The following PPP2R5C variants were observed in gnomAD, a reference collection of about 807,000 sequenced individuals.
PPP2R5C encodes protein phosphatase 2 regulatory subunit B'gamma.
A neutral mutation model predicts 68.9 loss-of-function variants in PPP2R5C; 7 were observed. The ratio of observed to expected loss-of-function variants is 0.10; its 90% CI spans 0.06 to 0.19. The LOEUF is 0.19. PPP2R5C is among the 10% of genes least tolerant of loss of function. PPP2R5C has a pLI of 1.00. For missense variants in PPP2R5C, 348 were observed against 641.3 expected, an observed-to-expected ratio of 0.54 and a Z score of 4.94; for synonymous variants, 210 against 222.2, an observed-to-expected ratio of 0.95 and a Z score of 0.49.
intron 3 of PPP2R5C, among the ~76,000 whole-genome samples, chr14:101,796,117 G>A (rs562787629): frequency 7.9e-5 from 12 of 152,212 alleles, no homozygotes; most frequent in African/African-American, 2.4e-4. Context: ...GAGCCACTGC[G>A]CCCTGCCTAT....
At chr14:101,795,615 A>G (rs2038569938) in intron 3 of PPP2R5C, among the ~76,000 whole-genome samples, 1 of 152,192 alleles carries the variant, frequency 6.6e-6, no homozygotes, top group Admixed American at 6.5e-5. Flanking sequence ...AAGTTATAGC[A>G]GAATAATGTA....
chr14:101,819,002 C>T, intron 1 of PPP2R5C: 1 of 1,549,820 alleles, frequency 6.5e-7, no homozygotes, highest in Non-Finnish European at 8.7e-7. Flanking sequence ...GGAACAAGTC[C>T]TGAAGAACCC....
At chr14:101,821,152 C>A (rs796420396) in intron 1 of PPP2R5C, 117 of 152,046 alleles carry the variant, frequency 7.7e-4, no homozygotes, top group African/African-American at 2.7e-3. Context: ...CTAAACTGGT[C>A]TCTGGGACCA....
In PPP2R5C at chr14:101,915,619, C is replaced by T. The variant is rs1019567476; in HGVS notation, c.1327-2212C>T. On this transcript the variant is annotated intron_variant, in intron 12 of 13. Coordinates refer to ENST00000334743, the Ensembl canonical transcript of PPP2R5C. The surrounding 1 kb of genome is among the most constrained non-coding windows in gnomAD (Gnocchi z 4.2). ...GGTGTGAAACAGTCCCCGCAAGTCT[C>T]AGGAGTCTTGCAGCCACTTAGGTTT... is the stretch of plus-strand genomic sequence containing the variant. Among the ~76,000 whole-genome samples, 8 of 152,204 alleles carry T rather than the reference C, an allele frequency of 5.3e-5. No homozygotes were observed. Among genetic ancestry groups the T allele is most frequent in the African/African-American group, 1.9e-4 (8 of 41,446 alleles).
chr14:101,904,476 G>A (rs1156334122), intron 9 of PPP2R5C, among the ~76,000 whole-genome samples: 1 of 152,176 alleles, frequency 6.6e-6, no homozygotes, highest in Non-Finnish European at 1.5e-5. Context: ...AAAGTACAAG[G>A]TATTGAACTC....
Position 101,879,970 on chromosome 14 carries a change from C to T in PPP2R5C, c.295-2191C>T, listed in dbSNP as rs1463787282. On this transcript the variant is annotated intron_variant, in intron 2 of 13. Transcript: ENST00000334743. This position sits in a 1 kb window ranked among gnomAD's most constrained non-coding sequence, Gnocchi z 4.2. ...TGAGCTTTTAGCATCTGCTTGTTCACGTCTGTGGGCTTTGGGGTCAGGGTG... is the reference window on the plus strand; with the variant it reads ...TGAGCTTTTAGCATCTGCTTGTTCATGTCTGTGGGCTTTGGGGTCAGGGTG... 2.6e-5 allele frequency among the ~76,000 whole-genome samples: 4 copies of T among 152,166 alleles called. No individual in the cohort carries two copies. In the South Asian group the frequency reaches 6.2e-4, roughly 24 times the overall value.
intron 1 of PPP2R5C, among the ~76,000 whole-genome samples, chr14:101,842,023 G>C (rs1047915571): frequency 6.6e-5 from 10 of 152,100 alleles, no homozygotes; most frequent in Non-Finnish European, 4.4e-5. Flanking sequence ...TATACCTGCA[G>C]GTTCCCCCCA....
chr14:101,824,206 G>A (rs931123144), intron 1 of PPP2R5C: 7 of 1,216,998 alleles, frequency 5.8e-6, no homozygotes, highest in Non-Finnish European at 7.4e-6. Flanking sequence ...GATTCTTAAT[G>A]AGTAATTCTT....
At chr14:101,861,483 C>A (rs770764269) in intron 2 of PPP2R5C, among the ~76,000 whole-genome samples, 1 of 152,268 alleles carries the variant, frequency 6.6e-6, no homozygotes, top group East Asian at 1.9e-4. Flanking sequence ...TACAACATTG[C>A]GCACCTTAGC....
At chr14:101,885,282 GA>G (rs1416820951) in intron 5 of PPP2R5C, among the ~76,000 whole-genome samples, 1 of 152,184 alleles carries the variant, frequency 6.6e-6, no homozygotes, top group Non-Finnish European at 1.5e-5. Flanking sequence ...TGGCAGATGA[GA>G]CCCCCCCTGC....
In PPP2R5C at chr14:101,915,244, G is replaced by A. The variant is rs2046604390; in HGVS notation, c.1327-2587G>A. Among the ~76,000 whole-genome samples the A allele has an allele frequency of 1.3e-5, 2 of 152,078 alleles. No individual in the cohort carries two copies. The highest frequency in any genetic ancestry group is 4.8e-5 in the African/African-American group (2 of 41,404). On this transcript the variant is annotated intron_variant, in intron 12 of 13. Transcript: ENST00000334743. This position sits in a 1 kb window ranked among gnomAD's most constrained non-coding sequence, Gnocchi z 4.2. ...CTACAGGTGCACGCCACCATGCCTG[G>A]CTAATTTTTGTATTTTTAGTAGAGA...
chr14:101,816,381 G>A (rs1258800245), intron 1 of PPP2R5C, among the ~76,000 whole-genome samples: 1 of 152,200 alleles, frequency 6.6e-6, no homozygotes, highest in African/African-American at 2.4e-5. Context: ...CCCACAGCAG[G>A]TAGAAGTCTG....
In PPP2R5C at chr14:101,786,199, C is replaced by T. The variant is rs990963383; in HGVS notation, c.259+16C>T. 2.6e-6 allele frequency: 4 copies of T among 1,522,822 alleles called. No individual in the cohort carries two copies. Among genetic ancestry groups the T allele is most frequent in the African/African-American group, 1.4e-5 (1 of 71,340 alleles). 94.3% of individuals were successfully genotyped at this position (1,522,822 alleles called of 1,614,324 possible). On this transcript the variant is annotated intron_variant, in intron 3 of 14. Coordinates refer to the PPP2R5C transcript ENST00000328724. The stretch of plus-strand genomic sequence containing the variant: ...TCCTTAAAAGGTAATTTTTATTTGT[C>T]TTTTAAAAGTTAAATTGTGGCTGTT...
chr14:101,800,796 A>G (rs1444831979), intron 3 of PPP2R5C, among the ~76,000 whole-genome samples: 3 of 152,220 alleles, frequency 2.0e-5, no homozygotes, highest in Non-Finnish European at 4.4e-5. Flanking sequence ...ATCGCTCACA[A>G]TAGCCAAGAA....
chr14:101,899,928 G>A lies in PPP2R5C; in HGVS notation c.853-1791G>A, dbSNP rs1420234821. On this transcript the variant is annotated intron_variant, in intron 8 of 13. Coordinates refer to ENST00000334743, the Ensembl canonical transcript of PPP2R5C. The surrounding 1 kb of genome is among the most constrained non-coding windows in gnomAD (Gnocchi z 4.2). ...TTTTGGGGTTTTTGTTTGTTTGTTA[G>A]ATTCTTGGAGTACAGTGGCGCAGTC... Among the ~76,000 whole-genome samples, 1 of 151,986 alleles carries A rather than the reference G, an allele frequency of 6.6e-6. No homozygotes were observed. The highest frequency in any genetic ancestry group is 1.5e-5 in the Non-Finnish European group (1 of 67,982).
upstream of PPP2R5C, among the ~76,000 whole-genome samples, chr14:101,807,075 C>T (rs149248664): frequency 6.6e-6 from 1 of 152,132 alleles, no homozygotes; most frequent in African/African-American, 2.4e-5. Context: ...TATTCACTTT[C>T]CCTTTCTTCT....
At chr14:101,910,208 A>C (rs1355205233) in intron 11 of PPP2R5C, among the ~76,000 whole-genome samples, 2 of 152,196 alleles carry the variant, frequency 1.3e-5, no homozygotes, top group Non-Finnish European at 2.9e-5. Context: ...GGGATGATCT[A>C]AGTGACAAAG....
At chr14:101,837,894 C>T (rs2041216019) in intron 1 of PPP2R5C, among the ~76,000 whole-genome samples, 1 of 152,244 alleles carries the variant, frequency 6.6e-6, no homozygotes, top group Non-Finnish European at 1.5e-5. Flanking sequence ...GGCTCAGTCA[C>T]TTGCCCCAGA....
intron 2 of PPP2R5C, among the ~76,000 whole-genome samples, chr14:101,777,126 G>T (rs1595131954): frequency 6.6e-6 from 1 of 151,834 alleles, no homozygotes; most frequent in Non-Finnish European, 1.5e-5. Flanking sequence ...TGATCCGCCC[G>T]CCTCGGCCTC....
Sources: allele counts gnomAD v4.1 joint callset (sites outside exome capture counted in the v4.1 genomes callset), GRCh38; gene constraint gnomAD v4.1.1; non-coding constraint Gnocchi (gnomAD v3.1); transcripts MANE v1.5; gene names NCBI Gene and HGNC (gene_info 2026-07-23, HGNC 2026-07-21).